CYLD: variants seen among roughly 807,000 people sequenced by gnomAD.
CYLD encodes the protein CYLD lysine 63 deubiquitinase.
Under a neutral mutation model 104.5 loss-of-function variants are expected in CYLD, and 26 were observed. That is an observed-to-expected ratio of 0.25 (90% CI 0.18 to 0.35). The LOEUF is 0.35. Among genes scored for constraint, CYLD ranks in the 10% least tolerant of loss-of-function variants. The pLI, the probability that CYLD is intolerant of heterozygous loss-of-function variation, is 1.00. For missense variants in CYLD, 703 were observed against 1,136.1 expected (o/e 0.62, Z 5.48); for synonymous variants, 385 against 399.9 (o/e 0.96, Z 0.45).
At chr16:50,746,862 G>A (rs1356824314) in intron 2 of CYLD, among the ~76,000 whole-genome samples, 1 of 151,848 alleles carries the variant, frequency 6.6e-6, no homozygotes, top group Non-Finnish European at 1.5e-5. Flanking sequence ...TAGCATTAAT[G>A]ATTTTTATTT....
intron 5 of CYLD, among the ~76,000 whole-genome samples, chr16:50,757,855 A>G (rs1967444625): frequency 6.6e-6 from 1 of 152,194 alleles, no homozygotes; most frequent in Non-Finnish European, 1.5e-5. Flanking sequence ...ATGATTGTTA[A>G]TGGAGATAAT....
rs1404766168 is a variant in CYLD at position 50,784,445 on chromosome 16, T to G, written c.1943T>G (p.Leu648Arg). The G allele has an allele frequency of 6.2e-7, 1 of 1,612,726 alleles. No homozygotes were observed. Among genetic ancestry groups the G allele is most frequent in the East Asian group, 2.2e-5 (1 of 44,752 alleles). ...ELLRTEIVNP[L>R]RIYGYVCATK... ...CTGAGGACAGAAATTGTTAATCCTC[T>G]GAGAATGTAAGTAGAAAACAAATTG... Residue 648 changes from leucine (L) to arginine (R), a missense_variant, in exon 12 of 19, where the codon CTG (leucine) becomes CGG (arginine). Leu to Arg is a moderately radical substitution (Grantham distance 102). This residue lies in a region of CYLD where 125 missense variants were observed against 325.4 expected (regional missense o/e 0.38). Coordinates refer to ENST00000427738, the MANE Select transcript of CYLD (RefSeq NM_001378743.1).
At chr16:50,750,498 T>G (rs1966530515) in intron 3 of CYLD, among the ~76,000 whole-genome samples, 1 of 152,136 alleles carries the variant, frequency 6.6e-6, no homozygotes, top group Non-Finnish European at 1.5e-5. Context: ...TATTCATTCT[T>G]GAGAACTTAA....
chr16:50,769,467 A>G (rs1715492768), intron 5 of CYLD, among the ~76,000 whole-genome samples: 1 of 152,152 alleles, frequency 6.6e-6, no homozygotes, highest in African/African-American at 2.4e-5. Flanking sequence ...TCATCTGTAT[A>G]TCTTCTTTGG....
intron 5 of CYLD, among the ~76,000 whole-genome samples, chr16:50,772,831 C>G (rs1467177100): frequency 6.6e-6 from 1 of 152,186 alleles, no homozygotes; most frequent in African/African-American, 2.4e-5. Flanking sequence ...ACTCCTGGTC[C>G]TATGAGACAG....
chr16:50,742,595 G>T (rs1402139694), intron 1 of CYLD, 167 bp from the exon 2 acceptor site: 2 of 383,658 alleles, frequency 5.2e-6, no homozygotes, highest in Non-Finnish European at 9.2e-6. Flanking sequence ...GGCCGCTGGC[G>T]GGCCCCGACG....
intron 2 of CYLD, among the ~76,000 whole-genome samples, chr16:50,745,805 A>C (rs1235975932): frequency 6.6e-6 from 1 of 152,154 alleles, no homozygotes; most frequent in Admixed American, 6.5e-5. Flanking sequence ...GATGATAAAT[A>C]ACTCATTTAC....
rs146935881 is a variant in CYLD, at chr16:50,797,699, C to T, written c.*1191C>T. ...GTTGTTTTGTGGTATCATTGTCTTT[C>T]CTGAATGACTTTCTAACTGTGCAGA... On this transcript the variant is annotated 3_prime_UTR_variant, in exon 19 of 19. Transcript: ENST00000427738. 9.2e-4 allele frequency: 215 copies of T among 232,866 alleles called. 3 individuals are homozygous for T. Among genetic ancestry groups the T allele is most frequent in the African/African-American group, 4.4e-3 (200 of 45,388 alleles). 14.4% of individuals were successfully genotyped at this position (232,866 alleles called of 1,614,324 possible). A position where few individuals can be genotyped will look rare whatever the true frequency, so the allele number is the denominator to read the frequency against.
At chr16:50,774,260 T>C (rs997629259) in intron 5 of CYLD, among the ~76,000 whole-genome samples, 38 of 152,214 alleles carry the variant, frequency 2.5e-4, no homozygotes, top group African/African-American at 8.7e-4. Context: ...TTCTGAAGTA[T>C]CTGTCATGGG....
At chr16:50,780,133 T>C in intron 9 of CYLD, 89 bp downstream of exon 9, 1 of 1,464,956 alleles carries the variant, frequency 6.8e-7, no homozygotes, top group Non-Finnish European at 9.5e-7. Flanking sequence ...TGACAAACTG[T>C]TATATTTGTC....
intron 4 of CYLD, among the ~76,000 whole-genome samples, chr16:50,752,560 G>A (rs921347098): frequency 2.0e-5 from 3 of 152,142 alleles, no homozygotes; most frequent in Non-Finnish European, 2.9e-5. Context: ...ATTTTTAAGT[G>A]TGCATACAGT....
intron 5 of CYLD, among the ~76,000 whole-genome samples, chr16:50,761,631 T>G (rs1967935001): frequency 6.6e-6 from 1 of 152,226 alleles, no homozygotes; most frequent in African/African-American, 2.4e-5. Context: ...ATAAAATTTT[T>G]ATGCTGTTGT....
intron 5 of CYLD, among the ~76,000 whole-genome samples, chr16:50,771,816 CT>C (rs1969185008): frequency 1.3e-5 from 2 of 152,014 alleles, no homozygotes; most frequent in Admixed American, 1.3e-4. Flanking sequence ...TGAAAAGACT[CT>C]TTCTTCCATT....
rs1972328084 is a variant in CYLD, at chr16:50,799,756, A to C, written c.*3248A>C. 4.3e-6 allele frequency: 1 copy of C among 232,984 alleles called. No individual in the cohort carries two copies. Among genetic ancestry groups the C allele is most frequent in the Non-Finnish European group, 8.5e-6 (1 of 117,932 alleles). 14.4% of individuals were successfully genotyped at this position (232,984 alleles called of 1,614,324 possible). A position where few individuals can be genotyped will look rare whatever the true frequency, so the allele number is the denominator to read the frequency against. On this transcript the variant is annotated 3_prime_UTR_variant, in exon 19 of 19. Coordinates refer to ENST00000427738, the MANE Select transcript of CYLD (RefSeq NM_001378743.1). ...CATCTTCATAGATTCAGGATTCACT[A>C]CCCTCTATAGCTGGATCTTGAAAAT...
chr16:50,767,725 C>T (rs1187216575), intron 5 of CYLD, among the ~76,000 whole-genome samples: 1 of 152,048 alleles, frequency 6.6e-6, no homozygotes, highest in East Asian at 1.9e-4. Flanking sequence ...TTGTTTTTCT[C>T]AGTTGGCTGT....
Position 50,798,426 on chromosome 16 carries a change from TATAA to T in CYLD, c.*1919_*1922del, listed in dbSNP as rs1203219156. 1 of 232,174 alleles carries T rather than the reference TATAA, an allele frequency of 4.3e-6. No homozygotes were observed. Among genetic ancestry groups the T allele is most frequent in the East Asian group, 6.1e-5 (1 of 16,418 alleles). The allele number at this position is 232,174 out of a possible 1,614,324, so 14.4% of individuals were successfully genotyped here. On this transcript the variant is annotated 3_prime_UTR_variant, in exon 19 of 19. Transcript: ENST00000427738. ...TGTAGCATTTACATTTATTAGGTAT[TATAA>T]GTAATCTAGAGATTATTTAATTAAA... is the stretch of plus-strand genomic sequence containing the variant.
At chr16:50,766,140 A>G (rs183957219) in intron 5 of CYLD, among the ~76,000 whole-genome samples, 3 of 152,346 alleles carry the variant, frequency 2.0e-5, no homozygotes, top group Admixed American at 2.0e-4. Flanking sequence ...CCTGGCTTCA[A>G]AGCTTCAAAG....
At chr16:50,782,181 A>G in intron 10 of CYLD, 144 bp from the exon 11 acceptor site, 1 of 632,936 alleles carries the variant, frequency 1.6e-6, no homozygotes, top group Non-Finnish European at 2.7e-6. Flanking sequence ...ATAGCAGTTA[A>G]CCAAAGCCTA....
chr16:50,755,145 A>C (rs113917286), intron 5 of CYLD, among the ~76,000 whole-genome samples: 1 of 34,920 alleles, frequency 2.9e-5, no homozygotes, highest in Non-Finnish European at 5.8e-5. Flanking sequence ...ACGTGTACAT[A>C]TGTGTGTATA....
Sources: gnomAD v4.1 joint callset for allele counts (sites outside exome capture counted in the v4.1 genomes callset) on GRCh38, gnomAD v4.1.1 for gene constraint, gnomAD v4.1.1 regional missense constraint, MANE v1.5 for transcripts, NCBI Gene and HGNC (gene_info 2026-07-23, HGNC 2026-07-21) for gene names.